Variants in RPS20 observed in about 807,000 individuals in gnomAD.
RPS20 encodes ribosomal protein S20, also known as small ribosomal subunit protein uS10.
RPS20 carries 3 observed loss-of-function variants against 15.3 expected under a neutral mutation model. The observed-to-expected ratio is 0.20, with a 90% CI of 0.09 to 0.51. The LOEUF (loss-of-function observed/expected upper bound fraction) is 0.51, where lower values mean the gene tolerates loss of function less well. RPS20 is among the 20% of genes least tolerant of loss of function. The pLI, the probability that RPS20 is intolerant of heterozygous loss-of-function variation, is 0.96. For synonymous variants in RPS20, 62 were observed against 47.8 expected, an observed-to-expected ratio of 1.30 and a Z score of -1.23; for missense variants, 67 against 145.9, an observed-to-expected ratio of 0.46 and a Z score of 2.79.
chr8:56,074,070 G>A lies in RPS20; in HGVS notation c.93C>T (p.Ser31=), dbSNP rs1020995286. Residue 31 remains serine (S), a synonymous_variant, in exon 2 of 4, where the codon TCC becomes TCT. Coordinates refer to ENST00000009589, the MANE Select transcript of RPS20 (RefSeq NM_001023.4). The stretch of plus-strand genomic sequence containing the variant: ...AACGAATGCACTGACCCTTTTCCAA[G>A]GATTTTACGTTGCGGCTTGTTAGGG... ...RITLTSRNVK[S]LEKVCADLIR... is the part of the protein sequence containing the mutation. 16 of 1,613,364 alleles carry A rather than the reference G, an allele frequency of 9.9e-6. No homozygotes were observed. The highest frequency in any genetic ancestry group is 1.3e-5 in the African/African-American group (1 of 74,858).
chr8:56,073,336 A>C, intron 3 of RPS20, 64 bp from the exon 4 acceptor site: 1 of 1,023,606 alleles, frequency 9.8e-7, no homozygotes, highest in South Asian at 1.3e-5. Context: ...GAACATCTGG[A>C]AAATCATTAC....
downstream of RPS20, among the ~76,000 whole-genome samples, chr8:56,071,404 C>G (rs1245782135): frequency 6.6e-6 from 1 of 152,206 alleles, no homozygotes; most frequent in Non-Finnish European, 1.5e-5. Context: ...GATAGCTAAA[C>G]AGCTCCCAAA....
At chr8:56,072,828 T>C (rs1809802258), downstream of RPS20, 3 of 1,147,946 alleles carry the variant, frequency 2.6e-6, no homozygotes, top group Admixed American at 1.2e-4. Flanking sequence ...AATCAGAATT[T>C]ATCTAGAGTA....
downstream of RPS20, chr8:56,069,666 G>T (rs1414117762): frequency 1.5e-6 from 2 of 1,312,668 alleles, no homozygotes; most frequent in African/African-American, 1.5e-5. Flanking sequence ...AAACAAAAAA[G>T]AATACACTTC....
downstream of RPS20, chr8:56,072,944 G>T: frequency 7.1e-7 from 1 of 1,415,022 alleles, no homozygotes; most frequent in Non-Finnish European, 9.2e-7. Flanking sequence ...AACGAAAACA[G>T]GATAGACCAC....
downstream of RPS20, among the ~76,000 whole-genome samples, chr8:56,070,737 C>CAAAA (rs201439919): frequency 8.4e-6 from 1 of 119,164 alleles, no homozygotes. Flanking sequence ...CATTTAAATT[C>CAAAA]AAAAAAAAAA....
chr8:56,073,006 T>C (rs1382382740), downstream of RPS20: 2 of 1,537,224 alleles, frequency 1.3e-6, no homozygotes, highest in African/African-American at 1.4e-5. Context: ...ATAGTACACC[T>C]TTATATTCCT....
At chr8:56,074,248 CCCCA>C (rs767832721) in intron 1 of RPS20, 89 bp from the exon 2 acceptor site, 18 of 1,524,484 alleles carry the variant, frequency 1.2e-5, no homozygotes, top group Non-Finnish European at 1.6e-5. Flanking sequence ...TCCCGCGTTT[CCCCA>C]CCATTTCAGG....
chr8:56,069,046 G>T (rs1280556086), downstream of RPS20, among the ~76,000 whole-genome samples: 2 of 139,522 alleles, frequency 1.4e-5, no homozygotes, highest in African/African-American at 6.6e-5. Context: ...GATCCATGGG[G>T]TGAGTTCTTT....
At chr8:56,074,276 C>T (rs780321353) in intron 1 of RPS20, 105 bp downstream of exon 1, 5 of 1,524,982 alleles carry the variant, frequency 3.3e-6, no homozygotes, top group Admixed American at 3.6e-5. Context: ...GCCTTTCCGC[C>T]CCTACACGCC....
chr8:56,070,809 AGCTTACATTTCTACACCAGAAGC>A (rs1403667914), downstream of RPS20, among the ~76,000 whole-genome samples: 1 of 151,994 alleles, frequency 6.6e-6, no homozygotes, highest in Admixed American at 6.6e-5. Context: ...GGTTATTGCT[AGCTTACATTTCTACACCAGAAGC>A]AGTGCTCTGC....
In RPS20 at chr8:56,073,953, C is replaced by T. The variant is rs1194088291; in HGVS notation, c.103+107G>A. On this transcript the variant is annotated intron_variant, in intron 2 of 3. Transcript: ENST00000009589. ...AGCCACGCTTTACTTTTTTAAGTAA[C>T]TTGTCACTTTAGTTCTTGCAGTCCA... 8 of 1,161,932 alleles carry T rather than the reference C, an allele frequency of 6.9e-6. No individual in the cohort carries two copies. In the Admixed American group the frequency reaches 1.0e-4, roughly 15 times the overall value. The allele number at this position is 1,161,932 out of a possible 1,614,324, so 72.0% of individuals were successfully genotyped here.
Position 56,073,199 on chromosome 8 carries a change from A to G in RPS20, c.251T>C (p.Ile84Thr). The part of the protein sequence containing the change: ...SKTWDRFQMR[I>T]HKRLIDLHSP... ...GTGCAAGTCAATGAGTCGCTTGTGAATTCTCATCTGGAAACGATCCCACGT... is the reference window on the plus strand; with the variant it reads ...GTGCAAGTCAATGAGTCGCTTGTGAGTTCTCATCTGGAAACGATCCCACGT... Residue 84 changes from isoleucine (I) to threonine (T), a missense_variant, in exon 4 of 4, where the codon ATT (isoleucine) becomes ACT (threonine). Ile to Thr is a moderately conservative substitution (Grantham distance 89). Coordinates refer to ENST00000009589, the MANE Select transcript of RPS20 (RefSeq NM_001023.4). 6.2e-7 allele frequency: 1 copy of G among 1,602,704 alleles called. No individual in the cohort carries two copies. Among genetic ancestry groups the G allele is most frequent in the Non-Finnish European group, 8.5e-7 (1 of 1,179,834 alleles).
intron 1 of RPS20, 31 bp from the exon 2 acceptor site, chr8:56,074,190 A>G (rs1160476068): frequency 6.3e-7 from 1 of 1,586,246 alleles, no homozygotes; most frequent in South Asian, 1.1e-5. Flanking sequence ...AAGAACAATA[A>G]GCCAAAAATG....
chr8:56,072,917 C>T, downstream of RPS20: 1 of 1,363,370 alleles, frequency 7.3e-7, no homozygotes, highest in South Asian at 1.8e-5. Flanking sequence ...ATCCAGTTTT[C>T]AAATGACTCA....
At chr8:56,068,095 C>T (rs1379872538), downstream of RPS20, 2 of 152,136 alleles carry the variant, frequency 1.3e-5, no homozygotes, top group African/African-American at 4.8e-5. Context: ...TGGAGTCATA[C>T]ATGAAATAAA....
chr8:56,074,176 GA>G lies in RPS20; in HGVS notation c.4-18del. On this transcript the variant is annotated intron_variant, in intron 1 of 3. Transcript: ENST00000009589. ...CTTAAAAGCCTATTATTAGATACAT[GA>G]AAAAGAACAATAAGCCAAAAATGGT... 1 of 1,601,592 alleles carries G rather than the reference GA, an allele frequency of 6.2e-7. No individual in the cohort carries two copies.
chr8:56,070,666 C>T (rs1021305959), downstream of RPS20, among the ~76,000 whole-genome samples: 4 of 151,256 alleles, frequency 2.6e-5, no homozygotes, highest in Non-Finnish European at 5.9e-5. Flanking sequence ...GAGTTGAAGG[C>T]TGCAGCGAGC....
downstream of RPS20, chr8:56,069,968 T>C: frequency 3.1e-6 from 2 of 650,930 alleles, no homozygotes; most frequent in Non-Finnish European, 2.8e-6. Context: ...TTACAAGTAA[T>C]CTAGAGATGA....
Sources: allele counts gnomAD v4.1 joint callset (sites outside exome capture counted in the v4.1 genomes callset), GRCh38; gene constraint gnomAD v4.1.1; transcripts MANE v1.5; gene names NCBI Gene and HGNC (gene_info 2026-07-23, HGNC 2026-07-21).